MROH2B: variants seen among roughly 807,000 people sequenced by gnomAD.
MROH2B encodes maestro heat-like repeat-containing protein family member 2B.
A neutral mutation model predicts 208.6 loss-of-function variants in MROH2B; 177 were observed. The observed-to-expected ratio is 0.85, with a 90% CI of 0.75 to 0.96. The LOEUF (loss-of-function observed/expected upper bound fraction) is 0.96. MROH2B is among the 40% of genes least tolerant of loss of function. MROH2B has a pLI of 0.00. For synonymous variants in MROH2B, 728 were observed against 659.0 expected (o/e 1.10, Z -1.60); for missense variants, 2,002 against 1,878.7 (o/e 1.07, Z -1.21).
chr5:41,007,106 A>G (rs1741619031), intron 34 of MROH2B, among the ~76,000 whole-genome samples: 1 of 152,192 alleles, frequency 6.6e-6, no homozygotes, highest in African/African-American at 2.4e-5. Context: ...GTTCACCTGA[A>G]TCATGTTTCT....
chr5:41,009,988 T>C lies in MROH2B; in HGVS notation c.3227A>G (p.Gln1076Arg). The change falls in exon 31 of 42, where the codon CAG becomes CGG. Residue 1076 changes from glutamine (Q) to arginine (R), a missense_variant. Coordinates refer to ENST00000399564, the MANE Select transcript of MROH2B (RefSeq NM_173489.5). ...SFQFILEAIS[Q>R]IASFHMDTVV... ...TGTATCCATGTGAAAGCTGGCTATC[T>C]GGGAGATGGCTTCTAGAATGAACTG... 6.2e-7 allele frequency: 1 copy of C among 1,613,876 alleles called. No individual in the cohort carries two copies. The highest frequency in any genetic ancestry group is 8.5e-7 in the Non-Finnish European group (1 of 1,179,812).
At chr5:41,047,590 C>T in intron 17 of MROH2B, 131 bp downstream of exon 17, 1 of 816,554 alleles carries the variant, frequency 1.2e-6, no homozygotes, top group Non-Finnish European at 2.0e-6. Context: ...TTCTAACATT[C>T]TAATTCTTTT....
chr5:41,041,532 G>A (rs755262210), intron 19 of MROH2B, among the ~76,000 whole-genome samples: 48 of 152,128 alleles, frequency 3.2e-4, no homozygotes, highest in Admixed American at 5.9e-4. Context: ...AATGAGGCAG[G>A]AGAATCACTT....
chr5:41,010,020 T>G lies in MROH2B; in HGVS notation c.3195A>C (p.Glu1065Asp). ...TGGCTTCTAGAATGAACTGAAAACT[T>G]TCTTCTTTTTGTCTGAGGACTGGCA... is the stretch of plus-strand genomic sequence containing the variant. ...HHMPVLRQKE[E>D]SFQFILEAIS... Residue 1065 changes from glutamate to aspartate, a missense_variant, in exon 31 of 42, where the codon GAA becomes GAC. Glu to Asp is a conservative substitution (Grantham distance 45). Coordinates refer to ENST00000399564, the MANE Select transcript of MROH2B (RefSeq NM_173489.5). The G allele has an allele frequency of 6.2e-7, 1 of 1,613,816 alleles. No homozygotes were observed. Among genetic ancestry groups the G allele is most frequent in the Non-Finnish European group, 8.5e-7 (1 of 1,179,810 alleles).
rs548364799 is a variant in MROH2B, at chr5:41,060,973, T to TA, written c.615+596dup. Among the ~76,000 whole-genome samples, 455 of 152,266 alleles carry TA rather than the reference T, an allele frequency of 3.0e-3. 3 individuals carry two copies. Among genetic ancestry groups the TA allele is most frequent in the African/African-American group, 0.01 (429 of 41,552 alleles). The stretch of plus-strand genomic sequence containing the variant: ...TAAATAGGATACCATTTAGCCTGCT[T>TA]AAAAAAACTATAGCAATTAAGCAAG... On this transcript the variant is annotated intron_variant, in intron 6 of 41. Coordinates refer to ENST00000399564, the MANE Select transcript of MROH2B (RefSeq NM_173489.5).
At chr5:41,034,221 T>A (rs1170742837) in intron 21 of MROH2B, 1 of 253,996 alleles carries the variant, frequency 3.9e-6, no homozygotes, top group Non-Finnish European at 6.2e-6. Flanking sequence ...CGAAAAACTA[T>A]AAAATGAAAA....
At chr5:41,002,875 C>T (rs1301824146) in intron 37 of MROH2B, among the ~76,000 whole-genome samples, 2 of 151,980 alleles carry the variant, frequency 1.3e-5, no homozygotes, top group African/African-American at 2.4e-5. Context: ...GAAGGGGTGA[C>T]TTCAGCCCTG....
intron 28 of MROH2B, among the ~76,000 whole-genome samples, chr5:41,017,017 C>T (rs1741977261): frequency 6.6e-6 from 1 of 152,162 alleles, no homozygotes; most frequent in South Asian, 2.1e-4. Flanking sequence ...ATCTCTGTGT[C>T]CCCAGCATTA....
At chr5:41,005,757 G>T in intron 34 of MROH2B, 112 bp from the exon 35 acceptor site, 1 of 909,122 alleles carries the variant, frequency 1.1e-6, no homozygotes. Context: ...TTGGCTGGGG[G>T]TGGTGGCTCA....
rs116556528 is a variant in MROH2B at position 41,068,937 on chromosome 5, T to C, written c.90+754A>G. On this transcript the variant is annotated intron_variant, in intron 2 of 41. Transcript: ENST00000399564. The stretch of plus-strand genomic sequence containing the variant: ...AAACTCTCTAAGGGATTCTAATATA[T>C]GGTCAGGGTTGAGAACCACTGAATT... Among the ~76,000 whole-genome samples, 587 of 152,302 alleles carry C rather than the reference T, an allele frequency of 3.9e-3. 6 individuals are homozygous for C. Among genetic ancestry groups the C allele is most frequent in the African/African-American group, 0.013 (538 of 41,560 alleles).
At chr5:41,029,378 A>G (rs1356857071) in intron 24 of MROH2B, among the ~76,000 whole-genome samples, 1 of 152,132 alleles carries the variant, frequency 6.6e-6, no homozygotes, top group East Asian at 1.9e-4. Context: ...TTAACTCCTT[A>G]TCAGATACAT....
chr5:41,054,949 G>A (rs1743397952), intron 10 of MROH2B, 109 bp from the exon 11 acceptor site: 1 of 681,376 alleles, frequency 1.5e-6, no homozygotes, highest in Non-Finnish European at 2.3e-6. Flanking sequence ...GAAATCTCTT[G>A]TTTTTAACAA....
intron 2 of MROH2B, among the ~76,000 whole-genome samples, chr5:41,067,491 C>T (rs537045854): frequency 6.6e-5 from 10 of 152,106 alleles, no homozygotes; most frequent in East Asian, 1.9e-4. Flanking sequence ...CTCAGCCTCC[C>T]GAGTAGCCAG....
chr5:41,003,948 G>A (rs993162562), intron 37 of MROH2B, among the ~76,000 whole-genome samples: 5 of 152,140 alleles, frequency 3.3e-5, no homozygotes, highest in Admixed American at 1.3e-4. Context: ...GCTGGCAAAC[G>A]TTTTCTCTAA....
At chr5:41,030,677 GA>G (rs1354998057) in intron 24 of MROH2B, among the ~76,000 whole-genome samples, 2 of 151,918 alleles carry the variant, frequency 1.3e-5, no homozygotes, top group Non-Finnish European at 2.9e-5. Flanking sequence ...GCAATAGTAA[GA>G]AAAAAGAACA....
chr5:41,018,071 G>T (rs1742015271), intron 27 of MROH2B, 101 bp from the exon 28 acceptor site: 1 of 1,421,516 alleles, frequency 7.0e-7, no homozygotes, highest in Non-Finnish European at 9.4e-7. Context: ...CTCTCTGCAG[G>T]TCCTTAGAAT....
Position 41,051,424 on chromosome 5 carries a change from T to C in MROH2B, c.1231-334A>G, listed in dbSNP as rs969911151. 7 of 176,176 alleles carry C rather than the reference T, an allele frequency of 4.0e-5. 1 individual carries two copies. In the Middle Eastern group the frequency reaches 6.9e-3, roughly 174 times the overall value. The allele number at this position is 176,176 out of a possible 1,614,324, so 10.9% of individuals were successfully genotyped here. On this transcript the variant is annotated intron_variant, in intron 12 of 41. Transcript: ENST00000399564. ...TGCTTCTTTGTGGAGTGAACTGTTA[T>C]TTCAGTTGTGACTAATTTGCTAAAA...
At chr5:41,061,531 T>C in intron 6 of MROH2B, 39 bp downstream of exon 6, 1 of 1,549,988 alleles carries the variant, frequency 6.5e-7, no homozygotes, top group Non-Finnish European at 8.7e-7. Context: ...AACCAGCATA[T>C]AGGGACATCC....
intron 22 of MROH2B, among the ~76,000 whole-genome samples, chr5:41,033,431 CA>C (rs1561291376): frequency 6.6e-6 from 1 of 152,082 alleles, no homozygotes; most frequent in African/African-American, 2.4e-5. Flanking sequence ...AAACAGTTTA[CA>C]ATTCCACCTA....
Sources: allele counts gnomAD v4.1 joint callset (sites outside exome capture counted in the v4.1 genomes callset), GRCh38; gene constraint gnomAD v4.1.1; transcripts MANE v1.5; gene names NCBI Gene and HGNC (gene_info 2026-07-23, HGNC 2026-07-21).